ACER2: variants seen among roughly 807,000 people sequenced by gnomAD.
ACER2 encodes alkCDase 2.
A neutral mutation model predicts 34.7 loss-of-function variants in ACER2; 26 were observed. The ratio of observed to expected loss-of-function variants is 0.75; its 90% CI spans 0.55 to 1.04. The LOEUF (loss-of-function observed/expected upper bound fraction) is 1.04. Among genes scored for constraint, ACER2 ranks in the 50% least tolerant of loss-of-function variants. The pLI is 0.00. For missense variants in ACER2, 352 were observed against 340.8 expected (o/e 1.03, Z -0.26); for synonymous variants, 138 against 132.1 (o/e 1.04, Z -0.31).
chr9:19,443,990 ATTCATAGT>A (rs1260284747), intron 4 of ACER2, among the ~76,000 whole-genome samples: 1 of 151,984 alleles, frequency 6.6e-6, no homozygotes, highest in Middle Eastern at 3.2e-3. Flanking sequence ...CAGATAATAA[ATTCATAGT>A]TTCAACTTGT....
At chr9:19,426,817 C>G (rs1422106946) in intron 3 of ACER2, among the ~76,000 whole-genome samples, 1 of 151,978 alleles carries the variant, frequency 6.6e-6, no homozygotes, top group Non-Finnish European at 1.5e-5. Context: ...GTCCCAGCCA[C>G]TCAAAAAGCT....
chr9:19,439,535 C>G (rs542469927), intron 4 of ACER2, among the ~76,000 whole-genome samples: 11 of 152,116 alleles, frequency 7.2e-5, no homozygotes, highest in South Asian at 2.1e-4. Context: ...AGTAGAGACC[C>G]AGCCTAAAGG....
chr9:19,412,647 A>G (rs7046765), intron 1 of ACER2, among the ~76,000 whole-genome samples: 22,799 of 138,828 alleles, frequency 0.16, 1,826 homozygotes, highest in South Asian at 0.26. Flanking sequence ...ACAGAGCAAG[A>G]TTCTGTCTCA....
intron 3 of ACER2, among the ~76,000 whole-genome samples, chr9:19,429,485 C>T (rs926271297): frequency 1.3e-5 from 2 of 152,074 alleles, no homozygotes; most frequent in Non-Finnish European, 2.9e-5. Context: ...CTGCCTGTCA[C>T]TGCACCTGGC....
chr9:19,427,826 C>A (rs960091735), intron 3 of ACER2, among the ~76,000 whole-genome samples: 18 of 151,440 alleles, frequency 1.2e-4, no homozygotes, highest in African/African-American at 4.1e-4. Context: ...GCCACCACGC[C>A]TGGCTAATTT....
At chr9:19,429,644 C>G (rs369100144) in intron 3 of ACER2, among the ~76,000 whole-genome samples, 18 of 152,286 alleles carry the variant, frequency 1.2e-4, no homozygotes, top group Admixed American at 3.9e-4. Flanking sequence ...GTATCCACTT[C>G]TTAAATAATT....
In ACER2 at chr9:19,423,982, T is replaced by C. The variant is rs768434398; in HGVS notation, c.223+6T>C. 1.3e-6 allele frequency: 2 copies of C among 1,597,812 alleles called. No homozygotes were observed. The highest frequency in any genetic ancestry group is 8.6e-7 in the Non-Finnish European group (1 of 1,165,156). On this transcript the variant is annotated splice_donor_region_variant and intron_variant, in intron 2 of 5. Transcript: ENST00000340967. ...GACTCTTTTGGTTGTAGTGGGTAAG[T>C]GGAGTCATTTGGGAACACGGACTTA...
At chr9:19,440,812 A>G (rs7865474) in intron 4 of ACER2, among the ~76,000 whole-genome samples, 3,960 of 152,012 alleles carry the variant, frequency 0.026, 163 homozygotes, top group African/African-American at 0.09. Context: ...TCTTAACTCT[A>G]CTATTATGTG....
chr9:19,446,054 T>C (rs974232588), intron 4 of ACER2: 1 of 732,870 alleles, frequency 1.4e-6, no homozygotes. Context: ...GGTGTATGAG[T>C]CTGGAGTCAG....
rs201871056 is a variant in ACER2 at position 19,424,832 on chromosome 9, G to A, written c.356G>A (p.Arg119Gln). The A allele has an allele frequency of 5.1e-5, 82 of 1,613,958 alleles. No individual in the cohort carries two copies. The highest frequency in any genetic ancestry group is 6.6e-5 in the Non-Finnish European group (78 of 1,180,024). Residue 119 changes from arginine to glutamine, a missense_variant, in exon 3 of 6, where the codon CGG becomes CAG. By Grantham distance (43) the Arg-to-Gln change is conservative (BLOSUM62 1). Coordinates refer to ENST00000340967, the MANE Select transcript of ACER2 (RefSeq NM_001010887.3). ...FPRRYLPKIF[R>Q]NDRGRFKVVV... The stretch of plus-strand genomic sequence containing the variant: ...AGAAGGTATCTACCAAAGATCTTTC[G>A]GAATGACCGGTAAGCTTGCACTAAA...
rs530459246 is a variant in ACER2, at chr9:19,409,641, C to T, written c.108+449C>T. 1.8e-5 allele frequency: 12 copies of T among 659,328 alleles called. No individual in the cohort carries two copies. In the Admixed American group the frequency reaches 1.9e-4, roughly 10 times the overall value. The allele number at this position is 659,328 out of a possible 1,614,324, so 40.8% of individuals were successfully genotyped here. On this transcript the variant is annotated intron_variant, in intron 1 of 5. Coordinates refer to ENST00000340967, the MANE Select transcript of ACER2 (RefSeq NM_001010887.3). ...CGGAGTGCTGGGAAGAGCACGCCCC[C>T]CGCAGGTCCCCGCGGCTGGGGTCAC...
chr9:19,443,187 T>C (rs112894575), intron 4 of ACER2, among the ~76,000 whole-genome samples: 22,951 of 152,058 alleles, frequency 0.15, 5,052 homozygotes, highest in African/African-American at 0.49. Context: ...CCTGCCACCA[T>C]GCCCAGCTAA....
chr9:19,409,203 C>G lies in ACER2; in HGVS notation c.108+11C>G. 1 of 1,571,430 alleles carries G rather than the reference C, an allele frequency of 6.4e-7. No individual in the cohort carries two copies. Among genetic ancestry groups the G allele is most frequent in the Non-Finnish European group, 8.6e-7 (1 of 1,158,570 alleles). On this transcript the variant is annotated intron_variant, in intron 1 of 5. Transcript: ENST00000340967. The stretch of plus-strand genomic sequence containing the variant: ...GAGTTCTACAACACGGTGCGGGGCG[C>G]GGGAGCGGGGAAGGCAGGCGGGCCA...
intron 4 of ACER2, among the ~76,000 whole-genome samples, chr9:19,444,182 AAAAG>A (rs1429465629): frequency 2.0e-5 from 3 of 150,130 alleles, no homozygotes; most frequent in East Asian, 3.9e-4. Context: ...AAGAAAAAAA[AAAAG>A]AAAGTCGCAA....
chr9:19,433,308 G>T (rs1243720543), intron 3 of ACER2, among the ~76,000 whole-genome samples: 1 of 151,880 alleles, frequency 6.6e-6, no homozygotes, highest in East Asian at 1.9e-4. Context: ...GCGGCCTTCC[G>T]CAGCGTTTGG....
chr9:19,448,840 A>G (rs985908677), intron 5 of ACER2, among the ~76,000 whole-genome samples: 6 of 152,056 alleles, frequency 3.9e-5, no homozygotes, highest in African/African-American at 7.2e-5. Flanking sequence ...GAGTGTTTCT[A>G]TTTTTAAAAG....
intron 1 of ACER2, among the ~76,000 whole-genome samples, chr9:19,418,867 A>G (rs1352024882): frequency 6.6e-6 from 1 of 152,156 alleles, no homozygotes; most frequent in African/African-American, 2.4e-5. Flanking sequence ...AAGAAAGTTA[A>G]GGGCTTTGAT....
chr9:19,412,625 C>G (rs962834339), intron 1 of ACER2, among the ~76,000 whole-genome samples: 5 of 144,940 alleles, frequency 3.4e-5, no homozygotes, highest in African/African-American at 1.0e-4. Context: ...ACTGCACACT[C>G]TAGCCTGGGC....
Position 19,452,055 on chromosome 9 carries a change from G to A in ACER2, c.*1419G>A, listed in dbSNP as rs752328743. On this transcript the variant is annotated 3_prime_UTR_variant, in exon 6 of 6. Coordinates refer to ENST00000340967, the MANE Select transcript of ACER2 (RefSeq NM_001010887.3). ...ATTTTTCTCACCTAATGTGACACTG[G>A]CTACAATGAATCTTCTCTTCATCGG... 6.6e-6 allele frequency: 1 copy of A among 152,586 alleles called. No homozygotes were observed. The highest frequency in any genetic ancestry group is 1.5e-5 in the Non-Finnish European group (1 of 68,038). The allele number at this position is 152,586 out of a possible 1,614,324, so 9.5% of individuals were successfully genotyped here.
Sources: allele counts gnomAD v4.1 joint callset (sites outside exome capture counted in the v4.1 genomes callset), GRCh38; gene constraint gnomAD v4.1.1; transcripts MANE v1.5; gene names NCBI Gene and HGNC (gene_info 2026-07-23, HGNC 2026-07-21).